The following AP4B1 variants were observed in gnomAD, a reference collection of about 807,000 sequenced individuals.
AP4B1 encodes the protein AP-4 complex subunit beta-1.
A neutral mutation model predicts 76.5 loss-of-function variants in AP4B1; 49 were observed. That is an observed-to-expected ratio of 0.64 (90% confidence interval 0.51 to 0.81). The LOEUF is 0.81. Ranked by LOEUF, AP4B1 falls within the 40% of genes least tolerant of loss-of-function variation. The pLI, the probability that AP4B1 is intolerant of heterozygous loss-of-function variation, is 0.00. For missense variants in AP4B1, 911 were observed against 904.9 expected, an observed-to-expected ratio of 1.01 and a Z score of -0.09; for synonymous variants, 330 against 333.3, an observed-to-expected ratio of 0.99 and a Z score of 0.11.
intron 5 of AP4B1, 81 bp from the exon 6 acceptor site, chr1:113,898,882 G>C (rs1331356159): frequency 8.0e-6 from 8 of 1,003,626 alleles, no homozygotes; most frequent in Non-Finnish European, 1.2e-5. Flanking sequence ...ACCAGTGAAA[G>C]ACAAAAGAAA....
rs1362785017 is a variant in AP4B1, at chr1:113,894,951, T to C, written c.*114A>G. 5 of 1,188,614 alleles carry C rather than the reference T, an allele frequency of 4.2e-6. No homozygotes were observed. The highest frequency in any genetic ancestry group is 4.7e-6 in the Non-Finnish European group (4 of 855,342). 73.6% of individuals were successfully genotyped at this position (1,188,614 alleles called of 1,614,324 possible). A position where few individuals can be genotyped will look rare whatever the true frequency, so the allele number is the denominator to read the frequency against. ...AAACTTAAGAATCCTGATTTCTAGA[T>C]TTTCCACTCTCCTTTGTATCTGATA... On this transcript the variant is annotated 3_prime_UTR_variant, in exon 10 of 10. Transcript: ENST00000369569.
rs773840258 is a variant in AP4B1, at chr1:113,900,018, CCACTTTCT to C, written c.992_999del (p.Gln331ArgfsTer5). On this transcript the variant is annotated frameshift_variant, in exon 5 of 10. Coordinates refer to ENST00000369569, the MANE Select transcript of AP4B1 (RefSeq NM_001253852.3). LOFTEE classifies it high-confidence loss of function. ...TCGTTCACCAGTTCACACAGCACCTCCACTTTCTGTAGTTTGATGTAGTGGGGCTCCGA... is the reference window on the plus strand; with the variant it reads ...TCGTTCACCAGTTCACACAGCACCTCGTAGTTTGATGTAGTGGGGCTCCGA... 33 of 1,614,182 alleles carry C rather than the reference CCACTTTCT, an allele frequency of 2.0e-5. No homozygotes were observed. The highest frequency in any genetic ancestry group is 2.5e-5 in the Non-Finnish European group (29 of 1,180,032).
At position 113,901,237 on chromosome 1, in the gene AP4B1, G is replaced by C. The variant is rs762612591; in HGVS notation, c.616C>G (p.Arg206Gly). The part of the protein sequence containing the change: ...NKPIAHHLLN[R>G]MSKLDQWGQA... ...AAAAGAGTGCTGAGGCATCCAAACC[G>C]ATTTAAGAGATGGTGAGCAATGGGC... The change falls in exon 4 of 10, where the codon CGA becomes GGA. Residue 206 changes from arginine to glycine, a missense_variant and splice_region_variant. Arg to Gly is a moderately radical substitution (Grantham distance 125). Coordinates refer to ENST00000369569, the MANE Select transcript of AP4B1 (RefSeq NM_001253852.3). 2.4e-5 allele frequency: 39 copies of C among 1,614,024 alleles called. No individual in the cohort carries two copies. The highest frequency in any genetic ancestry group is 3.3e-5 in the Admixed American group (2 of 59,994).
chr1:113,901,789 G>C lies in AP4B1; in HGVS notation c.435C>G (p.Ala145=), dbSNP rs1470856519. The C allele has an allele frequency of 1.2e-6, 2 of 1,613,994 alleles. No individual in the cohort carries two copies. Among genetic ancestry groups the C allele is most frequent in the East Asian group, 2.2e-5 (1 of 44,898 alleles). Residue 145 remains alanine, a synonymous_variant, in exon 3 of 10, where the codon GCC becomes GCG. Coordinates refer to ENST00000369569, the MANE Select transcript of AP4B1 (RefSeq NM_001253852.3). ...AGTCTCCATGAAGATTATGCATCTT[G>C]GCACATCCAAGGACTGCCACTCTCC... ...YVRRVAVLGC[A]KMHNLHGDSE... is the part of the protein sequence containing the mutation.
At position 113,897,834 on chromosome 1, in the gene AP4B1, G is replaced by T; in HGVS notation, c.1302+6C>A. 6.2e-7 allele frequency: 1 copy of T among 1,613,858 alleles called. No homozygotes were observed. The highest frequency in any genetic ancestry group is 8.5e-7 in the Non-Finnish European group (1 of 1,179,730). ...TACCTAGAAGTAAAGGAGAATTACA[G>T]TCTACCTCACTATCTTGAATGTTCT... is the stretch of plus-strand genomic sequence containing the variant. On this transcript the variant is annotated splice_donor_region_variant and intron_variant, in intron 7 of 9. Coordinates refer to ENST00000369569, the MANE Select transcript of AP4B1 (RefSeq NM_001253852.3).
intron 4 of AP4B1, 106 bp downstream of exon 4, chr1:113,901,130 T>A (rs1668197518): frequency 7.1e-7 from 1 of 1,416,374 alleles, no homozygotes; most frequent in South Asian, 1.2e-5. Context: ...TAATAATGGT[T>A]AACTTTCTTT....
chr1:113,897,591 G>GCAAAA (rs376491508), intron 7 of AP4B1: 3 of 520,192 alleles, frequency 5.8e-6, no homozygotes, highest in South Asian at 4.1e-5. Context: ...CTCAAGCAAA[G>GCAAAA]CAAAACAAAA....
chr1:113,900,749 C>A (rs1028206710), intron 4 of AP4B1: 8 of 307,982 alleles, frequency 2.6e-5, no homozygotes, highest in African/African-American at 1.3e-4. Context: ...TTCTATTTCC[C>A]TATATCAATA....
intron 2 of AP4B1, 59 bp from the exon 3 acceptor site, chr1:113,901,944 G>C (rs1000449149): frequency 5.6e-6 from 9 of 1,607,978 alleles, no homozygotes; most frequent in Non-Finnish European, 6.0e-6. Flanking sequence ...ACATACCTCA[G>C]CCCCTGTTCA....
chr1:113,896,184 C>T, intron 8 of AP4B1, 74 bp downstream of exon 8: 1 of 1,600,688 alleles, frequency 6.2e-7, no homozygotes, highest in Non-Finnish European at 8.6e-7. Context: ...AGACGTGACT[C>T]ACCAAACAAT....
At chr1:113,903,003 A>G in intron 1 of AP4B1, 141 bp from the exon 2 acceptor site, 1 of 733,910 alleles carries the variant, frequency 1.4e-6, no homozygotes, top group Non-Finnish European at 2.4e-6. Flanking sequence ...CTTGTCTATT[A>G]TATCACACAG....
Position 113,895,159 on chromosome 1 carries a change from G to A in AP4B1, c.2126C>T (p.Ser709Phe), listed in dbSNP as rs1667305185. 7 of 1,614,124 alleles carry A rather than the reference G, an allele frequency of 4.3e-6. No individual in the cohort carries two copies. The highest frequency in any genetic ancestry group is 1.1e-5 in the South Asian group (1 of 91,082). ...CGTTCTTGCTTCATTTTGTTTCACA[G>A]AGATCTGCATTTCTGAGTTTCCAGG... ...LEPGNSEMQI[S>F]VKQNEARTET... is the part of the protein sequence containing the mutation. Residue 709 changes from serine to phenylalanine, a missense_variant, in exon 10 of 10, where the codon TCT becomes TTT. Coordinates refer to ENST00000369569, the MANE Select transcript of AP4B1 (RefSeq NM_001253852.3).
Position 113,895,801 on chromosome 1 carries a change from C to T in AP4B1, c.1748G>A (p.Arg583His), listed in dbSNP as rs530540257. The change falls in exon 9 of 10, where the codon CGT (arginine) becomes CAT (histidine). Residue 583 changes from arginine to histidine, a missense_variant. Transcript: ENST00000369569. ...ATISKCQGAE[R>H]CDPELPKTSS... is the part of the protein sequence containing the mutation. ...AGTTTTAGGAAGCTCTGGGTCACAACGCTCTGCCCCCTGGCATTTAGAGAT... is the reference window on the plus strand; with the variant it reads ...AGTTTTAGGAAGCTCTGGGTCACAATGCTCTGCCCCCTGGCATTTAGAGAT... The T allele has an allele frequency of 1.4e-5, 23 of 1,614,220 alleles. No homozygotes were observed. Among genetic ancestry groups the T allele is most frequent in the South Asian group, 2.2e-5 (2 of 91,090 alleles).
At chr1:113,897,531 T>G (rs1302335054) in intron 7 of AP4B1, 2 of 391,250 alleles carry the variant, frequency 5.1e-6, no homozygotes, top group Non-Finnish European at 4.8e-6. Context: ...GAGGTAGAGG[T>G]TGCAGTGGGC....
At chr1:113,902,943 T>C (rs1668476756) in intron 1 of AP4B1, 81 bp from the exon 2 acceptor site, 1 of 1,251,274 alleles carries the variant, frequency 8.0e-7, no homozygotes, top group Middle Eastern at 1.9e-4. Context: ...ACATATCTCC[T>C]GATTACCCAA....
chr1:113,900,233 A>G lies in AP4B1; in HGVS notation c.785T>C (p.Leu262Ser). The change falls in exon 5 of 10, where the codon TTG becomes TCG. Residue 262 changes from leucine (L) to serine (S), a missense_variant. Physicochemically the swap from Leu to Ser is moderately radical, Grantham distance 145. Coordinates refer to ENST00000369569, the MANE Select transcript of AP4B1 (RefSeq NM_001253852.3). ...TTGTACGTGGGGAAACATTTTTGCC[A>G]AGATCAGAAAAAGTTTGGTAGCTCC... ...VMGATKLFLI[L>S]AKMFPHVQTD... is the part of the protein sequence containing the mutation. 1.2e-6 allele frequency: 2 copies of G among 1,608,906 alleles called. No homozygotes were observed. Among genetic ancestry groups the G allele is most frequent in the Non-Finnish European group, 1.7e-6 (2 of 1,176,500 alleles).
At chr1:113,897,811 C>A in intron 7 of AP4B1, 29 bp downstream of exon 7, 1 of 1,607,524 alleles carries the variant, frequency 6.2e-7, no homozygotes, top group Non-Finnish European at 8.5e-7. Flanking sequence ...TCTCCCCCTA[C>A]CTAGAAGTAA....
At chr1:113,903,644 A>G (rs542938980) in intron 1 of AP4B1, among the ~76,000 whole-genome samples, 1 of 152,362 alleles carries the variant, frequency 6.6e-6, no homozygotes, top group African/African-American at 2.4e-5. Flanking sequence ...TAGCTGAATG[A>G]GCAGGAGCTC....
rs564128555 is a variant in AP4B1, at chr1:113,899,725, A to C, written c.1114+179T>G. The C allele has an allele frequency of 1.5e-4, 151 of 1,004,604 alleles. No homozygotes were observed. The African/African-American group carries it at 1.9e-3, about 13-fold the overall frequency. 62.2% of individuals were successfully genotyped at this position (1,004,604 alleles called of 1,614,324 possible). Reference sequence around the variant, plus strand: ...CAACACCAATCTTGACCAAAAAAAAACAAAAAACAAAAAAAAACTCTCTTC... The same window carrying C: ...CAACACCAATCTTGACCAAAAAAAACCAAAAAACAAAAAAAAACTCTCTTC... On this transcript the variant is annotated intron_variant, in intron 5 of 9. Coordinates refer to ENST00000369569, the MANE Select transcript of AP4B1 (RefSeq NM_001253852.3).
Sources: allele counts gnomAD v4.1 joint callset (sites outside exome capture counted in the v4.1 genomes callset), GRCh38; gene constraint gnomAD v4.1.1; transcripts MANE v1.5; gene names NCBI Gene and HGNC (gene_info 2026-07-23, HGNC 2026-07-21).